Variants in NREP observed in about 807,000 individuals in gnomAD.
NREP encodes the protein neuronal regeneration related protein.
A neutral mutation model predicts 8.6 loss-of-function variants in NREP; 5 were observed. The ratio of observed to expected loss-of-function variants is 0.58; its 90% CI spans 0.30 to 1.22. The LOEUF is 1.22. Ranked by LOEUF, NREP falls within the 50% of genes most tolerant of loss-of-function variation. NREP has a pLI of 0.07. For missense variants in NREP, 86 were observed against 82.5 expected (o/e 1.04, Z -0.17); for synonymous variants, 27 against 28.0 (o/e 0.96, Z 0.11).
chr5:111,860,482 T>G (rs933924175), intron 2 of NREP, among the ~76,000 whole-genome samples: 15 of 152,138 alleles, frequency 9.9e-5, no homozygotes, highest in Middle Eastern at 3.2e-3. Context: ...TTCTAGCAAT[T>G]TATACTTTAA....
At chr5:111,837,559 G>C (rs1752925130) in intron 2 of NREP, among the ~76,000 whole-genome samples, 1 of 152,068 alleles carries the variant, frequency 6.6e-6, no homozygotes, top group Non-Finnish European at 1.5e-5. Flanking sequence ...GTAATTAAAA[G>C]AGATAAGACT....
chr5:111,870,054 T>C (rs1346753382), intron 2 of NREP, among the ~76,000 whole-genome samples: 1 of 152,216 alleles, frequency 6.6e-6, no homozygotes, highest in Non-Finnish European at 1.5e-5. Context: ...AATAATGCCC[T>C]TGCAGGGGTG....
chr5:111,878,840 G>C (rs1332905907), intron 2 of NREP, among the ~76,000 whole-genome samples: 1 of 152,074 alleles, frequency 6.6e-6, no homozygotes, highest in Non-Finnish European at 1.5e-5. Flanking sequence ...AACTTTTCTT[G>C]ATCATGGCAC....
chr5:111,812,522 G>A (rs936171208), intron 2 of NREP, among the ~76,000 whole-genome samples: 4 of 152,098 alleles, frequency 2.6e-5, no homozygotes, highest in African/African-American at 4.8e-5. Flanking sequence ...ACACAAACAA[G>A]ATTCAGTTCT....
intron 2 of NREP, among the ~76,000 whole-genome samples, chr5:111,939,702 G>T (rs558109986): frequency 6.6e-6 from 1 of 151,898 alleles, no homozygotes; most frequent in Non-Finnish European, 1.5e-5. Context: ...TTGAATTTTT[G>T]TGCTTTTTGT....
At chr5:111,922,719 T>C (rs1755279837) in intron 2 of NREP, among the ~76,000 whole-genome samples, 1 of 152,188 alleles carries the variant, frequency 6.6e-6, no homozygotes, top group Admixed American at 6.5e-5. Context: ...GTGAAGAGTC[T>C]TAAGGACCTT....
chr5:111,894,093 C>A (rs751773604), intron 2 of NREP, among the ~76,000 whole-genome samples: 11 of 151,918 alleles, frequency 7.2e-5, no homozygotes, highest in Non-Finnish European at 1.2e-4. Context: ...GTGGCAGGCA[C>A]CTGTAATGCC....
intron 2 of NREP, among the ~76,000 whole-genome samples, chr5:111,782,778 A>G (rs1751522968): frequency 6.6e-6 from 1 of 150,532 alleles, no homozygotes; most frequent in Non-Finnish European, 1.5e-5. Flanking sequence ...TCTGTCATCC[A>G]GGCTGGAAGG....
intron 2 of NREP, among the ~76,000 whole-genome samples, chr5:111,944,357 G>A (rs1413575030): frequency 3.3e-5 from 5 of 152,018 alleles, no homozygotes; most frequent in Admixed American, 3.3e-4. Flanking sequence ...ACCCAAGTTA[G>A]AGTGCAGTGG....
At chr5:111,874,198 G>A (rs1384281492) in intron 2 of NREP, among the ~76,000 whole-genome samples, 6 of 114,358 alleles carry the variant, frequency 5.2e-5, no homozygotes, top group Admixed American at 2.3e-4. Flanking sequence ...AATATAAGAC[G>A]TGTTTTAAAA....
chr5:111,770,554 C>CTTTTTTTTTTTTT (rs34538408), intron 2 of NREP, among the ~76,000 whole-genome samples: 1 of 73,582 alleles, frequency 1.4e-5, no homozygotes, highest in Non-Finnish European at 2.7e-5. Flanking sequence ...GAATTATTTC[C>CTTTTTTTTTTTTT]TTTTTTTTTT....
chr5:111,847,345 T>C (rs999457774), intron 2 of NREP, among the ~76,000 whole-genome samples: 3 of 152,128 alleles, frequency 2.0e-5, no homozygotes, highest in East Asian at 1.9e-4. Flanking sequence ...TTTCTTTTTG[T>C]AGGGGAATAA....
intron 2 of NREP, among the ~76,000 whole-genome samples, chr5:111,768,880 T>A (rs556406722): frequency 7.3e-4 from 111 of 152,342 alleles, no homozygotes; most frequent in African/African-American, 2.6e-3. Flanking sequence ...GTATACCCAA[T>A]AATGGGAATG....
chr5:111,755,796 T>A lies in NREP; in HGVS notation c.-24A>T, dbSNP rs781342352. ...ATTTTGAGAATCTTAGTCTTGGGCT[T>A]CTATTCTCCCTCTCTTCAGTCCAGG... On this transcript the variant is annotated 5_prime_UTR_variant, in exon 2 of 4. Coordinates refer to ENST00000257435, the MANE Select transcript of NREP (RefSeq NM_004772.4). The A allele has an allele frequency of 1.9e-6, 3 of 1,613,908 alleles. No homozygotes were observed. The highest frequency in any genetic ancestry group is 2.5e-6 in the Non-Finnish European group (3 of 1,179,814).
At chr5:111,816,589 T>C (rs1752390359) in intron 2 of NREP, among the ~76,000 whole-genome samples, 2 of 151,920 alleles carry the variant, frequency 1.3e-5, no homozygotes, top group African/African-American at 4.8e-5. Context: ...TAAGGGTATA[T>C]ATAATACCTA....
At chr5:111,741,160 C>T (rs915366467) in intron 2 of NREP, among the ~76,000 whole-genome samples, 5 of 152,088 alleles carry the variant, frequency 3.3e-5, no homozygotes, top group East Asian at 1.9e-4. Context: ...GATGGGTATG[C>T]GTATCTGTCT....
In NREP at chr5:111,743,217, T is replaced by C. The variant is rs111868314; in HGVS notation, c.4-7710A>G. Among the ~76,000 whole-genome samples the C allele has an allele frequency of 4.6e-3, 690 of 149,610 alleles. 5 individuals are homozygous for C. The highest frequency in any genetic ancestry group is 0.016 in the African/African-American group (666 of 40,568). ...AGATTATGCAGTTGTGAGTGAACAA[T>C]AATAAAGCAAAGGCCACAATACAAG... On this transcript the variant is annotated intron_variant, in intron 2 of 3. Coordinates refer to ENST00000257435, the MANE Select transcript of NREP (RefSeq NM_004772.4).
intron 2 of NREP, among the ~76,000 whole-genome samples, chr5:111,844,648 A>C (rs1753113592): frequency 6.8e-6 from 1 of 147,442 alleles, no homozygotes; most frequent in African/African-American, 2.5e-5. Flanking sequence ...TATATCAACT[A>C]ATATATATAT....
intron 2 of NREP, among the ~76,000 whole-genome samples, chr5:111,868,520 C>A (rs893516914): frequency 2.0e-5 from 3 of 152,120 alleles, no homozygotes; most frequent in Non-Finnish European, 4.4e-5. Context: ...AAATTTCACA[C>A]AAAATTATAG....
Sources: allele counts gnomAD v4.1 joint callset (sites outside exome capture counted in the v4.1 genomes callset), GRCh38; gene constraint gnomAD v4.1.1; transcripts MANE v1.5; gene names NCBI Gene and HGNC (gene_info 2026-07-23, HGNC 2026-07-21).